The following FAM162B variants were observed in gnomAD, a reference collection of about 807,000 sequenced individuals.
FAM162B encodes the protein protein FAM162B.
A neutral mutation model predicts 20.0 loss-of-function variants in FAM162B; 16 were observed. That is an observed-to-expected ratio of 0.80 (90% confidence interval 0.54 to 1.21). The LOEUF (loss-of-function observed/expected upper bound fraction) is 1.21. Ranked by LOEUF, FAM162B falls within the 50% of genes most tolerant of loss-of-function variation. FAM162B has a pLI of 0.00. For synonymous variants in FAM162B, 83 were observed against 89.7 expected, an observed-to-expected ratio of 0.93 and a Z score of 0.42; for missense variants, 260 against 227.5, an observed-to-expected ratio of 1.14 and a Z score of -0.92.
In FAM162B at chr6:116,752,731, T is replaced by TATATATATATAGATAG. The variant is rs1554259842; in HGVS notation, c.391-37_391-36insCTATCTATATATATAT. ...GAAGAAATATATATATATATATATA[T>TATATATATATAGATAG]ATAGATACACGTATATATATATATA... On this transcript the variant is annotated intron_variant, in intron 3 of 3. Transcript: ENST00000368557. 6 of 442,414 alleles carry TATATATATATAGATAG rather than the reference T, an allele frequency of 1.4e-5. No homozygotes were observed. In the African/African-American group the frequency reaches 1.6e-4, roughly 12 times the overall value. 27.4% of individuals were successfully genotyped at this position (442,414 alleles called of 1,614,324 possible). A position where few individuals can be genotyped will look rare whatever the true frequency, so the allele number is the denominator to read the frequency against.
intron 3 of FAM162B, among the ~76,000 whole-genome samples, chr6:116,754,246 A>G (rs901481415): frequency 1.3e-5 from 2 of 152,190 alleles, no homozygotes; most frequent in African/African-American, 4.8e-5. Context: ...CTCAACCTAG[A>G]CATAGTTTTA....
At chr6:116,764,493 T>A (rs1056543321) in intron 2 of FAM162B, among the ~76,000 whole-genome samples, 2 of 152,108 alleles carry the variant, frequency 1.3e-5, no homozygotes, top group African/African-American at 4.8e-5. Context: ...TTACATTACC[T>A]TAGAGGGGGA....
rs759605476 is a variant in FAM162B, at chr6:116,765,439, G to A, written c.138C>T (p.Gly46=). The change falls in exon 1 of 4, where the codon GGC becomes GGT. Residue 46 remains glycine, a synonymous_variant. Transcript: ENST00000368557. ...GGGGCCCAGAATTGCTGGGGGCCCC[G>A]CCGCTGGAGTAGCAGGGGAGACCCC... is the stretch of plus-strand genomic sequence containing the variant. ...PPRGLPCYSS[G]GAPSNSGPQG... is the part of the protein sequence containing the mutation. 10 of 1,448,686 alleles carry A rather than the reference G, an allele frequency of 6.9e-6. No homozygotes were observed. Among genetic ancestry groups the A allele is most frequent in the Non-Finnish European group, 7.3e-6 (8 of 1,100,420 alleles). The allele number at this position is 1,448,686 out of a possible 1,614,324, so 89.7% of individuals were successfully genotyped here.
At chr6:116,753,628 T>TTAGACA (rs1780019370) in intron 3 of FAM162B, among the ~76,000 whole-genome samples, 1 of 152,172 alleles carries the variant, frequency 6.6e-6, no homozygotes, top group Non-Finnish European at 1.5e-5. Flanking sequence ...TGAGATTCCA[T>TTAGACA]TAGACATCCA....
intron 3 of FAM162B, among the ~76,000 whole-genome samples, chr6:116,758,807 CAG>C (rs530932126): frequency 9.6e-4 from 146 of 152,266 alleles, no homozygotes; most frequent in African/African-American, 3.2e-3. Flanking sequence ...CACTCATATA[CAG>C]AGTCACTATT....
At position 116,752,712 on chromosome 6, in the gene FAM162B, A is replaced by ATATATATATATATATATATATATATATG; in HGVS notation, c.391-18_391-17insCATATATATATATATATATATATATATA. 2.6e-5 allele frequency: 2 copies of ATATATATATATATATATATATATATATG among 78,220 alleles called. No individual in the cohort carries two copies. The highest frequency in any genetic ancestry group is 2.3e-4 in the African/African-American group (2 of 8,660). The allele number at this position is 78,220 out of a possible 1,614,324, so 4.8% of individuals were successfully genotyped here. On this transcript the variant is annotated splice_polypyrimidine_tract_variant and intron_variant, in intron 3 of 3. Coordinates refer to ENST00000368557, the MANE Select transcript of FAM162B (RefSeq NM_001085480.3). The stretch of plus-strand genomic sequence containing the variant: ...TTCTACAGCCTGTGGGGGGGAAGAA[A>ATATATATATATATATATATATATATATG]TATATATATATATATATATATAGAT...
intron 2 of FAM162B, among the ~76,000 whole-genome samples, chr6:116,762,464 GTAGGCTTTGTTTTC>G (rs1238395131): frequency 6.6e-6 from 1 of 150,932 alleles, no homozygotes; most frequent in Non-Finnish European, 1.5e-5. Flanking sequence ...TCTTTGTAAA[GTAGGCTTTGTTTTC>G]CATTTGAACA....
chr6:116,756,672 C>T (rs1780055859), intron 3 of FAM162B, among the ~76,000 whole-genome samples: 3 of 152,282 alleles, frequency 2.0e-5, no homozygotes, highest in Admixed American at 2.0e-4. Context: ...TGGCAAACTT[C>T]ATTGTCATCT....
At chr6:116,759,449 C>A (rs1215726921) in intron 3 of FAM162B, among the ~76,000 whole-genome samples, 2 of 151,486 alleles carry the variant, frequency 1.3e-5, no homozygotes, top group Non-Finnish European at 2.9e-5. Context: ...TGCAGGCGCC[C>A]GCCACCACGC....
At chr6:116,755,173 A>T (rs990756321) in intron 3 of FAM162B, among the ~76,000 whole-genome samples, 2 of 152,270 alleles carry the variant, frequency 1.3e-5, no homozygotes, top group African/African-American at 4.8e-5. Context: ...GAAAACCAAG[A>T]TAGGTCAAAA....
At chr6:116,761,859 C>A in intron 3 of FAM162B, 118 bp downstream of exon 3, 1 of 620,216 alleles carries the variant, frequency 1.6e-6, no homozygotes, top group Non-Finnish European at 2.7e-6. Flanking sequence ...TCTTAAAATT[C>A]ACCCTTTGGG....
intron 2 of FAM162B, among the ~76,000 whole-genome samples, chr6:116,764,313 ATAAACT>A (rs1265707264): frequency 3.9e-5 from 6 of 152,240 alleles, no homozygotes; most frequent in Non-Finnish European, 7.3e-5. Flanking sequence ...TTTTTAAAAG[ATAAACT>A]TAAAAAGTAG....
At chr6:116,765,321 T>C in intron 1 of FAM162B, 66 bp from the exon 2 acceptor site, 1 of 1,565,834 alleles carries the variant, frequency 6.4e-7, no homozygotes. Flanking sequence ...CAGCGCGCCC[T>C]CAAGCCGACT....
intron 3 of FAM162B, among the ~76,000 whole-genome samples, chr6:116,759,568 A>G (rs1780110333): frequency 6.6e-6 from 1 of 151,844 alleles, no homozygotes; most frequent in Non-Finnish European, 1.5e-5. Context: ...CGGCCTCCCA[A>G]AGTGCTGGGA....
chr6:116,756,590 GT>G (rs2114548195), intron 3 of FAM162B, among the ~76,000 whole-genome samples: 1 of 152,326 alleles, frequency 6.6e-6, no homozygotes, highest in African/African-American at 2.4e-5. Flanking sequence ...AAGTTCTACT[GT>G]GAGGAAAATG....
At chr6:116,756,973 T>C (rs1349541479) in intron 3 of FAM162B, among the ~76,000 whole-genome samples, 3 of 152,248 alleles carry the variant, frequency 2.0e-5, no homozygotes, top group African/African-American at 7.2e-5. Flanking sequence ...GGTTTCTTTT[T>C]TGGCCAGAAA....
Position 116,765,229 on chromosome 6 carries a change from G to A in FAM162B, c.199C>T (p.Arg67Cys), listed in dbSNP as rs1211838280. The A allele has an allele frequency of 6.2e-7, 1 of 1,613,698 alleles. No individual in the cohort carries two copies. Among genetic ancestry groups the A allele is most frequent in the East Asian group, 2.2e-5 (1 of 44,856 alleles). Reference sequence around the variant, plus strand: ...TTCTTGTCGAACTGCGAAGGCCTGCGCTGCGTGGGGACTCGGTGAATCTCC... The same window carrying A: ...TTCTTGTCGAACTGCGAAGGCCTGCACTGCGTGGGGACTCGGTGAATCTCC... ...HGEIHRVPTQ[R>C]RPSQFDKKIL... Residue 67 changes from arginine to cysteine, a missense_variant, in exon 2 of 4, where the codon CGC becomes TGC. Coordinates refer to ENST00000368557, the MANE Select transcript of FAM162B (RefSeq NM_001085480.3).
At position 116,752,684 on chromosome 6, in the gene FAM162B, T is replaced by A; in HGVS notation, c.402A>T (p.Arg134=). 2 of 1,565,670 alleles carry A rather than the reference T, an allele frequency of 1.3e-6. No homozygotes were observed. The highest frequency in any genetic ancestry group is 1.2e-5 in the South Asian group (1 of 85,120). ...VIVSAKRAVE[R]HESLTSWNLA... The stretch of plus-strand genomic sequence containing the variant: ...AGTTCCAACTTGTTAAGGATTCATG[T>A]CGTTCTACAGCCTGTGGGGGGGAAG... The change falls in exon 4 of 4, where the codon CGA becomes CGT. Residue 134 remains arginine, a synonymous_variant. Coordinates refer to ENST00000368557, the MANE Select transcript of FAM162B (RefSeq NM_001085480.3).
In FAM162B at chr6:116,765,174, G is replaced by A; in HGVS notation, c.254C>T (p.Ser85Leu). ...GATCCGAGGCGGGATCTCCTCCATC[G>A]ATTTGAAACGCCCTGTCCACAGCAG... ...KILLWTGRFK[S>L]MEEIPPRIPP... The change falls in exon 2 of 4, where the codon TCG becomes TTG. Residue 85 changes from serine to leucine, a missense_variant. By Grantham distance (145) the Ser-to-Leu change is moderately radical. Coordinates refer to ENST00000368557, the MANE Select transcript of FAM162B (RefSeq NM_001085480.3). 6.2e-7 allele frequency: 1 copy of A among 1,613,764 alleles called. No individual in the cohort carries two copies. The highest frequency in any genetic ancestry group is 8.5e-7 in the Non-Finnish European group (1 of 1,179,942).
Sources: allele counts gnomAD v4.1 joint callset (sites outside exome capture counted in the v4.1 genomes callset), GRCh38; gene constraint gnomAD v4.1.1; transcripts MANE v1.5; gene names NCBI Gene and HGNC (gene_info 2026-07-23, HGNC 2026-07-21).